Variants in CCDC12 observed in about 807,000 individuals in gnomAD.
The protein encoded by CCDC12 is coiled-coil domain containing 12.
CCDC12 carries 28 observed loss-of-function variants against 25.7 expected under a neutral mutation model. The ratio of observed to expected loss-of-function variants is 1.09; its 90% CI spans 0.81 to 1.50. The LOEUF (loss-of-function observed/expected upper bound fraction) is 1.50, where lower values mean the gene tolerates loss of function less well. Among genes scored for constraint, CCDC12 ranks in the 40% most tolerant of loss-of-function variants. The probability of loss-of-function intolerance (pLI) is 0.00; values close to 1 mark genes in which losing one functional copy is unlikely to be tolerated. For synonymous variants in CCDC12, 75 were observed against 87.7 expected (o/e 0.86, Z 0.81); for missense variants, 198 against 210.0 (o/e 0.94, Z 0.35).
intron 1 of CCDC12, among the ~76,000 whole-genome samples, chr3:46,965,146 G>GA (rs1258564794): frequency 6.6e-6 from 1 of 151,924 alleles, no homozygotes; most frequent in African/African-American, 2.4e-5. Flanking sequence ...GGAGACAGGA[G>GA]AAAAAAACTG....
chr3:46,981,582 G>C (rs761319759), upstream of CCDC12, among the ~76,000 whole-genome samples: 2 of 152,160 alleles, frequency 1.3e-5, no homozygotes, highest in Non-Finnish European at 2.9e-5. Flanking sequence ...CCTCGCCCCA[G>C]CTTCTCTGCC....
chr3:46,974,735 G>C (rs1284546024), intron 1 of CCDC12, among the ~76,000 whole-genome samples: 2 of 152,210 alleles, frequency 1.3e-5, no homozygotes, highest in Non-Finnish European at 2.9e-5. Flanking sequence ...TGGAAAGTGG[G>C]AAGTGCCCCC....
upstream of CCDC12, among the ~76,000 whole-genome samples, chr3:46,980,446 C>A (rs531577801): frequency 3.3e-5 from 5 of 152,234 alleles, no homozygotes; most frequent in South Asian, 1.0e-3. Context: ...TGCATCCCCC[C>A]ACACCCCAGC....
At chr3:46,943,938 C>T (rs534263835) in intron 1 of CCDC12, among the ~76,000 whole-genome samples, 1 of 152,298 alleles carries the variant, frequency 6.6e-6, no homozygotes, top group East Asian at 1.9e-4. Flanking sequence ...CTCAGCCTTC[C>T]TGACAAAGAG....
chr3:46,922,944 A>C (rs1323334361), intron 5 of CCDC12: 2 of 188,998 alleles, frequency 1.1e-5, no homozygotes, highest in Non-Finnish European at 2.2e-5. Context: ...CAGAGGAGGA[A>C]ACCAGGGCCA....
intron 1 of CCDC12, among the ~76,000 whole-genome samples, chr3:46,946,211 T>C (rs138104909): frequency 1.3e-3 from 203 of 152,338 alleles, no homozygotes; most frequent in African/African-American, 4.3e-3. Flanking sequence ...TCAGTCTCCT[T>C]TGTGGGCCAG....
intron 1 of CCDC12, among the ~76,000 whole-genome samples, chr3:46,958,546 G>A (rs1318378120): frequency 6.6e-6 from 1 of 152,118 alleles, no homozygotes; most frequent in Non-Finnish European, 1.5e-5. Context: ...TCGTTATTGG[G>A]CCAAGGGAAT....
At chr3:46,957,600 C>T (rs1374945532) in intron 1 of CCDC12, among the ~76,000 whole-genome samples, 3 of 152,096 alleles carry the variant, frequency 2.0e-5, no homozygotes, top group African/African-American at 2.4e-5. Context: ...GTCTCACTAA[C>T]GCAGGCCTCC....
chr3:46,925,271 G>A (rs1003993501), intron 3 of CCDC12, 185 bp downstream of exon 3: 11 of 708,952 alleles, frequency 1.6e-5, no homozygotes, highest in East Asian at 5.4e-5. Flanking sequence ...TCAGTGCCCC[G>A]ACAGCCTCTG....
chr3:46,971,073 C>T (rs2034789912), intron 1 of CCDC12, among the ~76,000 whole-genome samples: 1 of 152,230 alleles, frequency 6.6e-6, no homozygotes. Context: ...CTCCCTGGAG[C>T]ATCTCCACTC....
chr3:46,948,557 G>A (rs1403389173), intron 1 of CCDC12, among the ~76,000 whole-genome samples: 5 of 152,318 alleles, frequency 3.3e-5, no homozygotes, highest in South Asian at 2.1e-4. Context: ...AAGAGAAAGG[G>A]TGTGGCAGCC....
chr3:46,927,550 G>A (rs552229159), intron 2 of CCDC12, among the ~76,000 whole-genome samples: 2 of 152,170 alleles, frequency 1.3e-5, no homozygotes, highest in African/African-American at 4.8e-5. Context: ...CTGGAGGAGT[G>A]AACCAGAAGC....
chr3:46,968,104 T>C (rs913649947), intron 1 of CCDC12, among the ~76,000 whole-genome samples: 4 of 152,146 alleles, frequency 2.6e-5, no homozygotes, highest in African/African-American at 7.2e-5. Flanking sequence ...TAGGTATGTG[T>C]TGGGAACCCC....
intron 1 of CCDC12, among the ~76,000 whole-genome samples, chr3:46,959,399 A>T (rs927394337): frequency 1.3e-5 from 2 of 152,192 alleles, no homozygotes; most frequent in African/African-American, 4.8e-5. Context: ...ACAGCCCTAC[A>T]CTGTGGCTGG....
intron 1 of CCDC12, among the ~76,000 whole-genome samples, chr3:46,953,798 G>C (rs1338231034): frequency 6.6e-6 from 1 of 152,140 alleles, no homozygotes; most frequent in Non-Finnish European, 1.5e-5. Context: ...AATCAGGATA[G>C]ACATCTCCAT....
At chr3:46,972,823 A>G (rs1365429402) in intron 1 of CCDC12, among the ~76,000 whole-genome samples, 54 of 151,398 alleles carry the variant, frequency 3.6e-4, no homozygotes, top group Non-Finnish European at 2.9e-5. Flanking sequence ...GCTGGGGAGG[A>G]TGTGGAGAAA....
chr3:46,935,480 T>C (rs1372445218), intron 2 of CCDC12, among the ~76,000 whole-genome samples: 1 of 150,944 alleles, frequency 6.6e-6, no homozygotes, highest in East Asian at 1.9e-4. Context: ...CAACCTCCCA[T>C]CAGGAAGAAG....
upstream of CCDC12, among the ~76,000 whole-genome samples, chr3:46,980,642 C>A (rs1257032755): frequency 6.6e-6 from 1 of 152,154 alleles, no homozygotes; most frequent in African/African-American, 2.4e-5. Flanking sequence ...GCCCGTTCCT[C>A]CTGAGCTCCC....
At chr3:46,926,997 A>T (rs1385114117) in intron 2 of CCDC12, among the ~76,000 whole-genome samples, 2 of 151,946 alleles carry the variant, frequency 1.3e-5, no homozygotes, top group Non-Finnish European at 2.9e-5. Context: ...AGTGCTTTGG[A>T]CTCAGGGGCT....
Sources: gnomAD v4.1 joint callset for allele counts (sites outside exome capture counted in the v4.1 genomes callset) on GRCh38, gnomAD v4.1.1 for gene constraint, MANE v1.5 for transcripts, NCBI Gene and HGNC (gene_info 2026-07-23, HGNC 2026-07-21) for gene names.